NAV2: variants seen among roughly 807,000 people sequenced by gnomAD.
NAV2 encodes neuron navigator 2.
Under a neutral mutation model 223.2 loss-of-function variants are expected in NAV2, and 54 were observed. That is an observed-to-expected ratio of 0.24 (90% CI 0.19 to 0.30). NAV2 has a LOEUF of 0.30. NAV2 is among the 10% of genes least tolerant of loss of function. NAV2 has a pLI of 1.00. For missense variants in NAV2, 2,806 were observed against 3,147.5 expected, an observed-to-expected ratio of 0.89 and a Z score of 2.60; for synonymous variants, 1,279 against 1,239.3, an observed-to-expected ratio of 1.03 and a Z score of -0.67.
At chr11:19,966,107 A>G (rs1041698872) in intron 10 of NAV2, among the ~76,000 whole-genome samples, 3 of 152,228 alleles carry the variant, frequency 2.0e-5, no homozygotes, top group African/African-American at 4.8e-5. Context: ...CTTGGAAGGC[A>G]GAGACTGTCC....
intron 1 of NAV2, among the ~76,000 whole-genome samples, chr11:19,549,301 G>GGTGAT (rs1256178708): frequency 6.6e-6 from 1 of 152,178 alleles, no homozygotes; most frequent in Non-Finnish European, 1.5e-5. Context: ...GGTTAAAAAA[G>GGTGAT]GTGATCCTCC....
At chr11:19,434,485 A>C (rs532182745) in intron 1 of NAV2, among the ~76,000 whole-genome samples, 92 of 152,336 alleles carry the variant, frequency 6.0e-4, no homozygotes, top group Middle Eastern at 3.4e-3. Context: ...GGAGTTTTTC[A>C]GTGTATCCTT....
intron 1 of NAV2, among the ~76,000 whole-genome samples, chr11:19,489,941 A>G (rs1469474260): frequency 6.6e-6 from 1 of 152,212 alleles, no homozygotes; most frequent in Non-Finnish European, 1.5e-5. Context: ...ATACAGGCAT[A>G]CATTGGAGAT....
intron 1 of NAV2, among the ~76,000 whole-genome samples, chr11:19,761,797 T>C (rs1471382183): frequency 6.6e-6 from 1 of 152,200 alleles, no homozygotes; most frequent in Non-Finnish European, 1.5e-5. Context: ...TAACCTACCA[T>C]TGAGTTCTGT....
At chr11:19,739,567 C>T (rs2052616984) in intron 1 of NAV2, among the ~76,000 whole-genome samples, 1 of 152,144 alleles carries the variant, frequency 6.6e-6, no homozygotes, top group South Asian at 2.1e-4. Context: ...TGAATCAGGT[C>T]TGTGGAGACA....
At chr11:20,007,669 A>C (rs955231046) in intron 11 of NAV2, among the ~76,000 whole-genome samples, 1 of 152,248 alleles carries the variant, frequency 6.6e-6, no homozygotes, top group Non-Finnish European at 1.5e-5. Flanking sequence ...TGAAGAAATC[A>C]GTTCTCCTTT....
intron 1 of NAV2, among the ~76,000 whole-genome samples, chr11:19,771,347 A>G (rs1472757353): frequency 6.6e-6 from 1 of 152,148 alleles, no homozygotes; most frequent in Admixed American, 6.5e-5. Flanking sequence ...CATACTTCTG[A>G]TGAGTGGAAA....
Position 19,933,296 on chromosome 11 carries a change from C to G in NAV2, c.1052C>G (p.Pro351Arg). Residue 351 changes from proline (P) to arginine (R), a missense_variant, in exon 7 of 38, where the codon CCC becomes CGC. Around this residue, in one of 4 missense-constraint regions of NAV2, gnomAD observed 1,167 missense variants for 1,180.5 expected, o/e 0.99. Transcript: ENST00000349880. This position sits in a 1 kb window ranked among gnomAD's most constrained non-coding sequence, Gnocchi z 4.3. Reference sequence around the variant, plus strand: ...AGTACCTCCTCGGCCATCCCGCAGCCCGGTGCAGCCACCAAGCCTTGGCGC... The same window carrying G: ...AGTACCTCCTCGGCCATCCCGCAGCGCGGTGCAGCCACCAAGCCTTGGCGC... Reference protein sequence around the residue: ...NCSTSSAIPQPGAATKPWRSK... With the variant: ...NCSTSSAIPQRGAATKPWRSK... 1 of 1,613,668 alleles carries G rather than the reference C, an allele frequency of 6.2e-7. No individual in the cohort carries two copies. Among genetic ancestry groups the G allele is most frequent in the Non-Finnish European group, 8.5e-7 (1 of 1,179,778 alleles).
At chr11:19,545,457 G>T (rs78680972) in intron 1 of NAV2, among the ~76,000 whole-genome samples, 1 of 133,560 alleles carries the variant, frequency 7.5e-6, no homozygotes, top group East Asian at 2.0e-4. Context: ...AAGGTATGGG[G>T]CAGTGGTGTC....
chr11:19,707,079 G>A (rs1236963466), intron 1 of NAV2, among the ~76,000 whole-genome samples: 1 of 152,178 alleles, frequency 6.6e-6, no homozygotes, highest in African/African-American at 2.4e-5. Context: ...TACCATGAAT[G>A]GAACTTGTAG....
intron 13 of NAV2, 56 bp from the exon 14 acceptor site, chr11:20,044,912 G>T: frequency 6.9e-7 from 1 of 1,452,646 alleles, no homozygotes; most frequent in South Asian, 1.3e-5. Flanking sequence ...TTAAACAGAC[G>T]AGATGGATGA....
intron 1 of NAV2, among the ~76,000 whole-genome samples, chr11:19,577,789 G>A (rs2045610502): frequency 2.0e-5 from 3 of 152,100 alleles, no homozygotes; most frequent in South Asian, 2.1e-4. Context: ...CACTATTGGG[G>A]GCTGCTTTCT....
chr11:20,036,286 C>G (rs1160173678), intron 12 of NAV2, among the ~76,000 whole-genome samples, 189 bp downstream of exon 12: 1 of 152,214 alleles, frequency 6.6e-6, no homozygotes, highest in Non-Finnish European at 1.5e-5. Context: ...GGTCAGGCAG[C>G]GGATGGTGGA....
chr11:19,911,824 A>T (rs930024303), intron 6 of NAV2, among the ~76,000 whole-genome samples: 1 of 152,200 alleles, frequency 6.6e-6, no homozygotes, highest in African/African-American at 2.4e-5. Context: ...TTACAGCGAA[A>T]GGGAGAGCGC....
intron 11 of NAV2, among the ~76,000 whole-genome samples, chr11:20,031,665 C>A (rs975434293): frequency 6.6e-6 from 1 of 152,158 alleles, no homozygotes; most frequent in Non-Finnish European, 1.5e-5. Flanking sequence ...CAGCTTCCTT[C>A]TCAGGGAAGT....
At chr11:19,371,788 T>G (rs1410338081) in intron 1 of NAV2, among the ~76,000 whole-genome samples, 1 of 88,144 alleles carries the variant, frequency 1.1e-5, no homozygotes, top group Admixed American at 1.1e-4. Context: ...TTTTTTTTTT[T>G]TGAGATGGAG....
chr11:19,487,663 G>A (rs1373553106), intron 1 of NAV2, among the ~76,000 whole-genome samples: 8 of 152,146 alleles, frequency 5.3e-5, no homozygotes, highest in African/African-American at 1.9e-4. Flanking sequence ...GAGAAACTAA[G>A]ACCCTTAGTG....
intron 14 of NAV2, among the ~76,000 whole-genome samples, chr11:20,048,341 A>G (rs1417560980): frequency 1.3e-5 from 2 of 152,222 alleles, no homozygotes. Context: ...CTGGGGCCGC[A>G]GAGACAGAGA....
At chr11:19,684,856 C>T (rs947932520) in intron 1 of NAV2, among the ~76,000 whole-genome samples, 1 of 152,228 alleles carries the variant, frequency 6.6e-6, no homozygotes, top group Non-Finnish European at 1.5e-5. Flanking sequence ...CTCAAGAGCC[C>T]TTGGTTGGCA....
Sources: gnomAD v4.1 joint callset for allele counts (sites outside exome capture counted in the v4.1 genomes callset) on GRCh38, gnomAD v4.1.1 for gene constraint, gnomAD v4.1.1 regional missense constraint, Gnocchi (gnomAD v3.1) non-coding constraint, MANE v1.5 for transcripts, NCBI Gene and HGNC (gene_info 2026-07-23, HGNC 2026-07-21) for gene names.